BCL2L1: variants seen among roughly 807,000 people sequenced by gnomAD.
BCL2L1 encodes the protein BCL2 like 1, also known as bcl-2-like protein 1.
BCL2L1 carries 1 observed loss-of-function variant against 18.7 expected under a neutral mutation model. The observed-to-expected ratio is 0.05, with a 90% CI of 0.02 to 0.25. The LOEUF (loss-of-function observed/expected upper bound fraction) is 0.25, where lower values mean the gene tolerates loss of function less well. BCL2L1 is among the 10% of genes least tolerant of loss of function. The pLI is 1.00. For synonymous variants in BCL2L1, 103 were observed against 122.7 expected (o/e 0.84, Z 1.06); for missense variants, 207 against 304.9 (o/e 0.68, Z 2.39).
chr20:31,700,670 G>A (rs970927118), intron 2 of BCL2L1, among the ~76,000 whole-genome samples: 3 of 152,106 alleles, frequency 2.0e-5, no homozygotes, highest in Admixed American at 6.6e-5. Context: ...GGTAAGGCTC[G>A]GTGTAAACCT....
At chr20:31,692,117 C>A (rs1050758601) in intron 2 of BCL2L1, among the ~76,000 whole-genome samples, 1 of 152,218 alleles carries the variant, frequency 6.6e-6, no homozygotes, top group South Asian at 2.1e-4. Context: ...GGGCCCCAAC[C>A]CTGACATACA....
chr20:31,721,759 T>C lies in BCL2L1; in HGVS notation c.460A>G (p.Ser154Gly). 1 of 1,614,090 alleles carries C rather than the reference T, an allele frequency of 6.2e-7. No homozygotes were observed. Among genetic ancestry groups the C allele is most frequent in the Non-Finnish European group, 8.5e-7 (1 of 1,180,028 alleles). The change falls in exon 2 of 3, where the codon AGC (serine) becomes GGC (glycine). Residue 154 changes from serine to glycine, a missense_variant. Ser to Gly is a moderately conservative substitution (Grantham distance 56). Coordinates refer to ENST00000307677, the MANE Select transcript of BCL2L1 (RefSeq NM_138578.3). ...FSFGGALCVE[S>G]VDKEMQVLVS... ...AATACCTGCATCTCCTTGTCTACGC[T>C]TTCCACGCACAGTGCCCCGCCGAAG...
At chr20:31,721,606 T>G (rs372781356) in intron 2 of BCL2L1, 49 bp downstream of exon 2, 50 of 1,534,212 alleles carry the variant, frequency 3.3e-5, no homozygotes, top group Middle Eastern at 1.8e-4. Context: ...GTTGGGGATC[T>G]CTGACCAGAG....
intron 2 of BCL2L1, among the ~76,000 whole-genome samples, chr20:31,691,152 CAAAAAAAAAAAA>C (rs539012918): frequency 4.4e-4 from 11 of 24,852 alleles, no homozygotes; most frequent in East Asian, 1.9e-3. Flanking sequence ...GACTCTGTCT[CAAAAAAAAAAAA>C]AAAAAAAAAA....
At position 31,721,765 on chromosome 20, in the gene BCL2L1, C is replaced by T. The variant is rs766818591; in HGVS notation, c.454G>A (p.Val152Met). The T allele has an allele frequency of 9.9e-6, 16 of 1,613,994 alleles. No individual in the cohort carries two copies. The highest frequency in any genetic ancestry group is 6.6e-5 in the South Asian group (6 of 91,086). Reference protein sequence around the residue: ...AFFSFGGALCVESVDKEMQVL... With the variant: ...AFFSFGGALCMESVDKEMQVL... ...TGCATCTCCTTGTCTACGCTTTCCA[C>T]GCACAGTGCCCCGCCGAAGGAGAAA... Residue 152 changes from valine to methionine, a missense_variant, in exon 2 of 3, where the codon GTG becomes ATG. Physicochemically the swap from Val to Met is conservative, Grantham distance 21. Coordinates refer to ENST00000307677, the MANE Select transcript of BCL2L1 (RefSeq NM_138578.3).
chr20:31,690,715 C>T lies in BCL2L1; in HGVS notation c.565-24629G>A, dbSNP rs138413547. 3.4e-3 allele frequency among the ~76,000 whole-genome samples: 510 copies of T among 152,094 alleles called. 2 individuals carry two copies. The highest frequency in any genetic ancestry group is 0.012 in the African/African-American group (481 of 41,492). On this transcript the variant is annotated intron_variant, in intron 2 of 2. Transcript: ENST00000307677. ...CTTCCCAAGGAGCTGGGATTACAGG[C>T]GTGCGCCATGATGCCTGGCTGTTTT...
At chr20:31,679,552 G>A (rs1157580362) in intron 2 of BCL2L1, among the ~76,000 whole-genome samples, 1 of 152,184 alleles carries the variant, frequency 6.6e-6, no homozygotes, top group Non-Finnish European at 1.5e-5. Context: ...TGGTGTTCCG[G>A]CTGCAAAATG....
At chr20:31,668,302 C>A in intron 2 of BCL2L1, among the ~76,000 whole-genome samples, 1 of 151,844 alleles carries the variant, frequency 6.6e-6, no homozygotes, top group Non-Finnish European at 1.5e-5. Flanking sequence ...GTCCCCTTAC[C>A]TTCCTTGATT....
intron 2 of BCL2L1, among the ~76,000 whole-genome samples, chr20:31,721,275 C>G (rs2061625032): frequency 6.6e-6 from 1 of 152,186 alleles, no homozygotes; most frequent in Non-Finnish European, 1.5e-5. Context: ...CTTCTCCAGG[C>G]ATTATACTCA....
intron 2 of BCL2L1, among the ~76,000 whole-genome samples, chr20:31,697,893 T>TTTTTTTTTG (rs1568880175): frequency 1.8e-5 from 2 of 108,112 alleles, no homozygotes; most frequent in African/African-American, 9.8e-5. Context: ...GCTGTTGCTG[T>TTTTTTTTTG]TTTTTTTTTT....
chr20:31,684,693 A>G (rs2060926209), intron 2 of BCL2L1, among the ~76,000 whole-genome samples: 1 of 152,206 alleles, frequency 6.6e-6, no homozygotes, highest in African/African-American at 2.4e-5. Context: ...CACTCCACCC[A>G]TATGAGCCCT....
At chr20:31,676,569 C>T (rs1285819254) in intron 2 of BCL2L1, among the ~76,000 whole-genome samples, 1 of 152,182 alleles carries the variant, frequency 6.6e-6, no homozygotes, top group African/African-American at 2.4e-5. Context: ...AGTAGATGGC[C>T]ACAGCCCTCC....
At chr20:31,714,431 T>C (rs549512141) in intron 2 of BCL2L1, among the ~76,000 whole-genome samples, 1 of 152,276 alleles carries the variant, frequency 6.6e-6, no homozygotes, top group East Asian at 1.9e-4. Flanking sequence ...TGGGTCACTA[T>C]GGTATTTAGA....
intron 2 of BCL2L1, among the ~76,000 whole-genome samples, chr20:31,678,690 C>A (rs2060803799): frequency 6.6e-6 from 1 of 152,208 alleles, no homozygotes; most frequent in Non-Finnish European, 1.5e-5. Context: ...ACATCTATGA[C>A]CAGGCAGACT....
intron 2 of BCL2L1, among the ~76,000 whole-genome samples, chr20:31,685,875 C>T (rs6119681): frequency 1.3e-5 from 2 of 152,152 alleles, no homozygotes; most frequent in African/African-American, 4.8e-5. Flanking sequence ...CTGGGGGCAC[C>T]TCATTTTCTT....
intron 2 of BCL2L1, among the ~76,000 whole-genome samples, chr20:31,702,539 G>A (rs895328791): frequency 2.6e-5 from 4 of 151,992 alleles, no homozygotes; most frequent in Non-Finnish European, 4.4e-5. Context: ...TTGAGATGGA[G>A]TTTTGCTCTT....
upstream of BCL2L1, chr20:31,723,698 C>T (rs1331195425): frequency 2.0e-6 from 2 of 985,360 alleles, no homozygotes; most frequent in Non-Finnish European, 2.4e-6. Context: ...CTATTGGGCG[C>T]AACGGCTGTC....
chr20:31,689,475 T>C (rs1209280238), intron 2 of BCL2L1, among the ~76,000 whole-genome samples: 5 of 148,800 alleles, frequency 3.4e-5, no homozygotes, highest in African/African-American at 4.9e-5. Flanking sequence ...AATTATCCCA[T>C]GGTGGTCCTG....
chr20:31,706,732 G>A (rs1015200995), intron 2 of BCL2L1, among the ~76,000 whole-genome samples: 3 of 152,250 alleles, frequency 2.0e-5, no homozygotes, highest in African/African-American at 7.2e-5. Context: ...CTGAATGAAT[G>A]AATGAATGAC....
Sources: allele counts gnomAD v4.1 joint callset (sites outside exome capture counted in the v4.1 genomes callset), GRCh38; gene constraint gnomAD v4.1.1; transcripts MANE v1.5; gene names NCBI Gene and HGNC (gene_info 2026-07-23, HGNC 2026-07-21).